Variants in DAAM2 observed in about 807,000 individuals in gnomAD.
DAAM2 encodes dishevelled associated activator of morphogenesis 2, also known as disheveled-associated activator of morphogenesis 2.
In DAAM2, 39 loss-of-function variants were observed where a neutral mutation model predicts 120.7. That is an observed-to-expected ratio of 0.32 (90% CI 0.25 to 0.42). The LOEUF (loss-of-function observed/expected upper bound fraction) is 0.42, where lower values mean the gene tolerates loss of function less well. Among genes scored for constraint, DAAM2 ranks in the 10% least tolerant of loss-of-function variants. The pLI is 1.00. For synonymous variants in DAAM2, 488 were observed against 524.9 expected, an observed-to-expected ratio of 0.93 and a Z score of 0.96; for missense variants, 1,283 against 1,401.7, an observed-to-expected ratio of 0.92 and a Z score of 1.35.
At position 39,856,435 on chromosome 6, in the gene DAAM2, G is replaced by A. The variant is rs375245894; in HGVS notation, c.133G>A (p.Ala45Thr). 1.7e-5 allele frequency: 26 copies of A among 1,492,250 alleles called. No individual in the cohort carries two copies. The highest frequency in any genetic ancestry group is 5.7e-5 in the African/African-American group (4 of 69,626). 92.4% of individuals were successfully genotyped at this position (1,492,250 alleles called of 1,614,324 possible). Residue 45 changes from alanine (A) to threonine (T), a missense_variant, in exon 2 of 25, where the codon GCA becomes ACA. Physicochemically the swap from Ala to Thr is moderately conservative, Grantham distance 58. Transcript: ENST00000274867. Reference protein sequence around the residue: ...FMEFSSPIPNAEELNIRFAEL... With the variant: ...FMEFSSPIPNTEELNIRFAEL... ...GGAGTTCTCCAGCCCCATCCCGAAC[G>A]CAGAGGAGCTCAACATCCGCTTTGC...
chr6:39,845,280 C>T (rs971710083), intron 1 of DAAM2, among the ~76,000 whole-genome samples: 3 of 36,466 alleles, frequency 8.2e-5, no homozygotes, highest in African/African-American at 2.2e-4. Context: ...CATACACAAA[C>T]CCCATCTATA....
Position 39,898,903 on chromosome 6 carries a change from G to A in DAAM2, c.2645G>A (p.Gly882Asp). ...VNLAELEKEVGNLRRGLRAVE... is the reference protein window; with the variant it reads ...VNLAELEKEVDNLRRGLRAVE... ...CTAGCAGAACTGGAGAAGGAGGTGG[G>A]CAACCTCAGGAGGGGCCTGAGAGCG... The change falls in exon 22 of 25, where the codon GGC becomes GAC. Residue 882 changes from glycine to aspartate, a missense_variant. Around this residue, in one of 3 missense-constraint regions of DAAM2, gnomAD observed 748 missense variants for 768.6 expected, o/e 0.97. Coordinates refer to ENST00000274867, the MANE Select transcript of DAAM2 (RefSeq NM_001201427.2). The A allele has an allele frequency of 1.2e-6, 2 of 1,612,702 alleles. No homozygotes were observed. Among genetic ancestry groups the A allele is most frequent in the Non-Finnish European group, 1.7e-6 (2 of 1,179,488 alleles).
intron 1 of DAAM2, among the ~76,000 whole-genome samples, chr6:39,829,074 T>C (rs1184875405): frequency 3.3e-5 from 5 of 152,256 alleles, no homozygotes; most frequent in African/African-American, 1.2e-4. Context: ...CTACAGTTTT[T>C]CTTTAAGAAA....
chr6:39,890,631 G>C (rs1200843201), intron 17 of DAAM2, among the ~76,000 whole-genome samples: 1 of 152,188 alleles, frequency 6.6e-6, no homozygotes, highest in Non-Finnish European at 1.5e-5. Flanking sequence ...TTTCCTGGGG[G>C]ATGGAAATGT....
intron 1 of DAAM2, among the ~76,000 whole-genome samples, chr6:39,825,303 T>C (rs1762626874): frequency 6.6e-6 from 1 of 151,914 alleles, no homozygotes; most frequent in African/African-American, 2.4e-5. Context: ...GGCAGGATAA[T>C]GCTTGAACCC....
chr6:39,866,282 TTAA>T (rs1388513846), intron 5 of DAAM2, among the ~76,000 whole-genome samples: 1 of 152,232 alleles, frequency 6.6e-6, no homozygotes, highest in African/African-American at 2.4e-5. Context: ...GTAATTTCCC[TTAA>T]TAATATTCTG....
At chr6:39,868,790 TCTC>T (rs757114255) in intron 6 of DAAM2, 30 bp from the exon 7 acceptor site, 4 of 1,516,834 alleles carry the variant, frequency 2.6e-6, no homozygotes, top group East Asian at 4.9e-5. Context: ...AACTCAGCCC[TCTC>T]CTCCTGCTCT....
At position 39,857,048 on chromosome 6, in the gene DAAM2, C is replaced by T. The variant is rs530048519; in HGVS notation, c.168+578C>T. Among the ~76,000 whole-genome samples, 10 of 152,336 alleles carry T rather than the reference C, an allele frequency of 6.6e-5. No individual in the cohort carries two copies. In the East Asian group the frequency reaches 1.5e-3, roughly 24 times the overall value. On this transcript the variant is annotated intron_variant, in intron 2 of 24. Transcript: ENST00000274867. Reference sequence around the variant, plus strand: ...GGAAGCTCTGCCATTCACACCCGGACCAGCCTGTGCTGATTCCGCAATGCC... The same window carrying T: ...GGAAGCTCTGCCATTCACACCCGGATCAGCCTGTGCTGATTCCGCAATGCC...
intron 1 of DAAM2, among the ~76,000 whole-genome samples, chr6:39,829,403 G>A (rs1198230540): frequency 1.3e-5 from 2 of 152,204 alleles, no homozygotes; most frequent in Non-Finnish European, 2.9e-5. Flanking sequence ...CCAAAGGAGT[G>A]TGACTGTGGT....
intron 17 of DAAM2, 60 bp downstream of exon 17, chr6:39,888,823 C>T: frequency 7.5e-7 from 1 of 1,326,776 alleles, no homozygotes; most frequent in East Asian, 2.3e-5. Context: ...CGCCCCTTCC[C>T]AACAGCCCCC....
At chr6:39,817,273 C>T (rs1364866798) in intron 1 of DAAM2, among the ~76,000 whole-genome samples, 1 of 152,138 alleles carries the variant, frequency 6.6e-6, no homozygotes, top group African/African-American at 2.4e-5. Flanking sequence ...CTCCTTGCCC[C>T]CTAATGTCTT....
At chr6:39,833,079 C>A (rs1762975404) in intron 1 of DAAM2, among the ~76,000 whole-genome samples, 1 of 152,112 alleles carries the variant, frequency 6.6e-6, no homozygotes, top group Non-Finnish European at 1.5e-5. Flanking sequence ...ATCCACGTGA[C>A]CTTTCCCCAA....
intron 5 of DAAM2, chr6:39,867,305 T>C: frequency 1.7e-6 from 1 of 587,684 alleles, no homozygotes. Context: ...GATATGCAAA[T>C]ACAGAGTATT....
At chr6:39,832,226 C>A (rs960733909) in intron 1 of DAAM2, among the ~76,000 whole-genome samples, 1 of 151,966 alleles carries the variant, frequency 6.6e-6, no homozygotes, top group African/African-American at 2.4e-5. Flanking sequence ...TGGGGCTTGA[C>A]TAGTTTGTGT....
At chr6:39,843,017 A>T (rs1763412747) in intron 1 of DAAM2, among the ~76,000 whole-genome samples, 2 of 152,232 alleles carry the variant, frequency 1.3e-5, no homozygotes, top group Non-Finnish European at 2.9e-5. Context: ...CATCACATTG[A>T]TGATATGTCT....
At chr6:39,798,954 TTG>T (rs1761780799) in intron 1 of DAAM2, among the ~76,000 whole-genome samples, 1 of 152,160 alleles carries the variant, frequency 6.6e-6, no homozygotes, top group Non-Finnish European at 1.5e-5. Context: ...AAAAGTCAAA[TTG>T]CATTGTAGAA....
chr6:39,868,958 G>C lies in DAAM2; in HGVS notation c.873+25G>C, dbSNP rs540354208. On this transcript the variant is annotated intron_variant, in intron 7 of 24. Transcript: ENST00000274867. ...GGTGGGGTGCCTTCTCCTTGCCCTT[G>C]CTGTTCCCTGACTTTCTGGACCTGG... 6.1e-4 allele frequency: 913 copies of C among 1,500,460 alleles called. 16 individuals are homozygous for C. In the South Asian group the frequency reaches 9.6e-3, roughly 16 times the overall value. 92.9% of individuals were successfully genotyped at this position (1,500,460 alleles called of 1,614,324 possible). A position where few individuals can be genotyped will look rare whatever the true frequency, so the allele number is the denominator to read the frequency against.
intron 10 of DAAM2, among the ~76,000 whole-genome samples, chr6:39,874,100 C>T (rs747994901): frequency 5.9e-5 from 9 of 152,128 alleles, no homozygotes; most frequent in Admixed American, 1.3e-4. Context: ...CTGGGCCAGG[C>T]GTGATGTGAG....
chr6:39,844,758 T>G (rs943220615), intron 1 of DAAM2, among the ~76,000 whole-genome samples: 1 of 152,070 alleles, frequency 6.6e-6, no homozygotes, highest in Non-Finnish European at 1.5e-5. Context: ...TTTCCAGCGA[T>G]CTTACTGTTT....
Sources: allele counts gnomAD v4.1 joint callset (sites outside exome capture counted in the v4.1 genomes callset), GRCh38; gene constraint gnomAD v4.1.1; regional missense constraint gnomAD v4.1.1; transcripts MANE v1.5; gene names NCBI Gene and HGNC (gene_info 2026-07-23, HGNC 2026-07-21).